The following DENND5A variants were observed in gnomAD, a reference collection of about 807,000 sequenced individuals.
DENND5A encodes DENN domain containing 5A, also known as DENN domain-containing protein 5A.
In DENND5A, 64 loss-of-function variants were observed where a neutral mutation model predicts 140.3. The ratio of observed to expected loss-of-function variants is 0.46; its 90% CI spans 0.37 to 0.56. The LOEUF (loss-of-function observed/expected upper bound fraction) is 0.56, where lower values mean the gene tolerates loss of function less well. DENND5A is among the 20% of genes least tolerant of loss of function. The pLI is 0.00. For missense variants in DENND5A, 1,292 were observed against 1,593.8 expected, an observed-to-expected ratio of 0.81 and a Z score of 3.22; for synonymous variants, 605 against 607.7, an observed-to-expected ratio of 1.00 and a Z score of 0.07.
At chr11:9,222,890 G>A (rs537653624) in intron 1 of DENND5A, among the ~76,000 whole-genome samples, 1 of 152,312 alleles carries the variant, frequency 6.6e-6, no homozygotes, top group African/African-American at 2.4e-5. Context: ...AAGCAAAGTT[G>A]CCACAAGCTC....
chr11:9,177,889 T>C (rs1023406596), intron 8 of DENND5A: 2 of 418,622 alleles, frequency 4.8e-6, no homozygotes, highest in Non-Finnish European at 8.6e-6. Flanking sequence ...GAACCCCCTA[T>C]TTGTTTAACC....
intron 21 of DENND5A, 90 bp downstream of exon 21, chr11:9,142,632 C>T: frequency 6.6e-7 from 1 of 1,516,442 alleles, no homozygotes; most frequent in Non-Finnish European, 8.9e-7. Context: ...TGGGTTCTGC[C>T]TCTCAGAGTG....
At chr11:9,241,869 C>A (rs1039396133) in intron 1 of DENND5A, among the ~76,000 whole-genome samples, 5 of 152,038 alleles carry the variant, frequency 3.3e-5, no homozygotes, top group Non-Finnish European at 5.9e-5. Flanking sequence ...ACAAAATTAG[C>A]CGGGCATGGT....
chr11:9,164,712 T>C (rs1023718879), intron 11 of DENND5A, among the ~76,000 whole-genome samples: 1 of 152,196 alleles, frequency 6.6e-6, no homozygotes, highest in African/African-American at 2.4e-5. Context: ...CCCAGTAAAT[T>C]TCTGTTTCTA....
intron 1 of DENND5A, among the ~76,000 whole-genome samples, chr11:9,253,304 A>C (rs2136294169): frequency 6.6e-6 from 1 of 152,330 alleles, no homozygotes; most frequent in Admixed American, 6.5e-5. Context: ...GAAGGAAGGA[A>C]GGGCTGAGCA....
chr11:9,200,998 C>A (rs1849502385), intron 4 of DENND5A, among the ~76,000 whole-genome samples: 1 of 151,820 alleles, frequency 6.6e-6, no homozygotes, highest in Non-Finnish European at 1.5e-5. Context: ...GCCCATGGAC[C>A]AAATCTGGGA....
intron 15 of DENND5A, among the ~76,000 whole-genome samples, chr11:9,148,140 T>G (rs985808171): frequency 1.1e-4 from 17 of 152,174 alleles, no homozygotes; most frequent in Admixed American, 1.1e-3. Context: ...CAAAAGGCTG[T>G]TTCTGGGAAT....
intron 18 of DENND5A, 36 bp from the exon 19 acceptor site, chr11:9,144,314 C>T (rs918688382): frequency 6.2e-7 from 1 of 1,603,412 alleles, no homozygotes; most frequent in African/African-American, 1.3e-5. Context: ...GAGCAGCCAG[C>T]TCCTCCCTGC....
chr11:9,261,337 G>C (rs1222482527), intron 1 of DENND5A, among the ~76,000 whole-genome samples: 4 of 152,126 alleles, frequency 2.6e-5, no homozygotes, highest in Non-Finnish European at 5.9e-5. Context: ...TACCTTCTTG[G>C]AGAACCTGGC....
intron 4 of DENND5A, among the ~76,000 whole-genome samples, chr11:9,194,170 T>C (rs948354305): frequency 1.3e-5 from 2 of 152,216 alleles, no homozygotes; most frequent in African/African-American, 4.8e-5. Context: ...CCACCAAGCA[T>C]GCAGAAGCTG....
At chr11:9,231,759 C>A (rs1199082014) in intron 1 of DENND5A, among the ~76,000 whole-genome samples, 2 of 148,392 alleles carry the variant, frequency 1.3e-5, no homozygotes, top group Admixed American at 6.8e-5. Context: ...TGTTAGTTTA[C>A]CCTCAGTAAC....
chr11:9,230,075 A>AT (rs1330178235), intron 1 of DENND5A, among the ~76,000 whole-genome samples: 3 of 149,832 alleles, frequency 2.0e-5, no homozygotes, highest in African/African-American at 7.4e-5. Context: ...CGTCCAGCTA[A>AT]TTTTTTTGTA....
chr11:9,254,877 C>A (rs1416772181), intron 1 of DENND5A, among the ~76,000 whole-genome samples: 2 of 152,010 alleles, frequency 1.3e-5, no homozygotes, highest in Non-Finnish European at 2.9e-5. Context: ...TCGAGACCAG[C>A]CTGGGCAACA....
chr11:9,177,245 C>G (rs1244264469), intron 8 of DENND5A, among the ~76,000 whole-genome samples: 1 of 146,378 alleles, frequency 6.8e-6, no homozygotes, highest in Non-Finnish European at 1.5e-5. Context: ...CTGAGTGAGA[C>G]CCTGTCTCGA....
intron 4 of DENND5A, among the ~76,000 whole-genome samples, chr11:9,201,391 A>T (rs550966490): frequency 6.8e-6 from 1 of 147,696 alleles, no homozygotes; most frequent in East Asian, 1.9e-4. Flanking sequence ...AAAAAAAAAA[A>T]ATTTTAAGGC....
At chr11:9,255,080 T>TAAATA (rs1200233463) in intron 1 of DENND5A, among the ~76,000 whole-genome samples, 6 of 151,430 alleles carry the variant, frequency 4.0e-5, no homozygotes, top group Non-Finnish European at 7.4e-5. Flanking sequence ...CAAAAAATAA[T>TAAATA]AAATAAAATA....
chr11:9,186,516 A>G (rs1007566228), intron 5 of DENND5A, among the ~76,000 whole-genome samples: 1 of 152,258 alleles, frequency 6.6e-6, no homozygotes, highest in Non-Finnish European at 1.5e-5. Context: ...GGAAACACAG[A>G]AACAGCTAGA....
intron 8 of DENND5A, among the ~76,000 whole-genome samples, chr11:9,172,836 G>C (rs576782336): frequency 3.9e-5 from 6 of 152,072 alleles, no homozygotes; most frequent in Admixed American, 1.3e-4. Flanking sequence ...ATTTTTTTGA[G>C]ACAGGGTCTC....
At position 9,204,291 on chromosome 11, in the gene DENND5A, G is replaced by C. The variant is rs1208824165; in HGVS notation, c.318C>G (p.Phe106Leu). The change falls in exon 4 of 23, where the codon TTC (phenylalanine) becomes TTG (leucine). Residue 106 changes from phenylalanine to leucine, a missense_variant. By Grantham distance (22) the Phe-to-Leu change is conservative (BLOSUM62 0). Transcript: ENST00000328194. Reference protein sequence around the residue: ...GMLCMPKGLAFKTQADPREPQ... With the variant: ...GMLCMPKGLALKTQADPREPQ... ...GCTCCCTGGGATCAGCCTGGGTCTT[G>C]AATGCCAGCCCTTTCGGCATACATA... 1 of 1,612,604 alleles carries C rather than the reference G, an allele frequency of 6.2e-7. No individual in the cohort carries two copies. Among genetic ancestry groups the C allele is most frequent in the Non-Finnish European group, 8.5e-7 (1 of 1,179,972 alleles).
Sources: gnomAD v4.1 joint callset for allele counts (sites outside exome capture counted in the v4.1 genomes callset) on GRCh38, gnomAD v4.1.1 for gene constraint, MANE v1.5 for transcripts, NCBI Gene and HGNC (gene_info 2026-07-23, HGNC 2026-07-21) for gene names.